The following UBE2Q2 variants were observed in gnomAD, a reference collection of about 807,000 sequenced individuals.
UBE2Q2 encodes ubiquitin conjugating enzyme E2 Q2, also known as ubiquitin-conjugating enzyme E2 Q2.
UBE2Q2 carries 54 observed loss-of-function variants against 59.9 expected under a neutral mutation model. The ratio of observed to expected loss-of-function variants is 0.90; its 90% CI spans 0.72 to 1.13. UBE2Q2 has a LOEUF of 1.13. Among genes scored for constraint, UBE2Q2 ranks in the 50% most tolerant of loss-of-function variants. The pLI, the probability that UBE2Q2 is intolerant of heterozygous loss-of-function variation, is 0.00. For missense variants in UBE2Q2, 433 were observed against 441.9 expected, an observed-to-expected ratio of 0.98 and a Z score of 0.18; for synonymous variants, 165 against 155.2, an observed-to-expected ratio of 1.06 and a Z score of -0.47.
At chr15:75,874,485 T>C (rs375207480) in intron 5 of UBE2Q2, among the ~76,000 whole-genome samples, 1 of 151,898 alleles carries the variant, frequency 6.6e-6, no homozygotes, top group South Asian at 2.1e-4. Context: ...GGTTTCACCA[T>C]GTTGGCCAGG....
chr15:75,843,541 AGCCGCGAGAGCGCG>A lies in UBE2Q2; in HGVS notation c.-122_-109del. 1 of 554,274 alleles carries A rather than the reference AGCCGCGAGAGCGCG, an allele frequency of 1.8e-6. No homozygotes were observed. 34.3% of individuals were successfully genotyped at this position (554,274 alleles called of 1,614,324 possible). ...TTTCCAGCAGCGCTCGACGAGGCGGAGCCGCGAGAGCGCGGCCCAGGCCGGCCCCGCGGGGCGGT... is the reference window on the plus strand; with the variant it reads ...TTTCCAGCAGCGCTCGACGAGGCGGAGCCCAGGCCGGCCCCGCGGGGCGGT... On this transcript the variant is annotated 5_prime_UTR_variant, in exon 1 of 13. Transcript: ENST00000267938.
intron 8 of UBE2Q2, among the ~76,000 whole-genome samples, chr15:75,880,779 G>A (rs2441929): frequency 0.2 from 30,010 of 152,134 alleles, 3,343 homozygotes; most frequent in Admixed American, 0.29. Context: ...GATTACAGGC[G>A]TGATTTAATA....
chr15:75,897,629 G>T (rs754389597), intron 12 of UBE2Q2, among the ~76,000 whole-genome samples: 2 of 149,010 alleles, frequency 1.3e-5, no homozygotes, highest in Non-Finnish European at 3.0e-5. Flanking sequence ...ATTAATGAAT[G>T]ACTCACTTTA....
intron 12 of UBE2Q2, among the ~76,000 whole-genome samples, chr15:75,897,283 A>G (rs335692): frequency 0.98 from 149,008 of 152,084 alleles, 73,070 homozygotes; most frequent in East Asian, 1. Context: ...CTGTCACCCC[A>G]GCTGGAGTGC....
intron 2 of UBE2Q2, among the ~76,000 whole-genome samples, chr15:75,858,522 A>G (rs1168920023): frequency 6.6e-6 from 1 of 151,786 alleles, no homozygotes; most frequent in East Asian, 1.9e-4. Context: ...GTCCTTCTGA[A>G]TGTCTCTTAC....
intron 1 of UBE2Q2, among the ~76,000 whole-genome samples, chr15:75,853,812 G>C (rs1316301636): frequency 6.6e-6 from 1 of 152,126 alleles, no homozygotes; most frequent in African/African-American, 2.4e-5. Context: ...CACTTATGTA[G>C]ATGTTGGCAG....
chr15:75,844,508 G>T, intron 1 of UBE2Q2: 1 of 1,550,444 alleles, frequency 6.4e-7, no homozygotes, highest in African/African-American at 1.4e-5. Flanking sequence ...GTGTATTCGT[G>T]TGGCCCCTCC....
intron 2 of UBE2Q2, among the ~76,000 whole-genome samples, chr15:75,855,034 A>T (rs888803638): frequency 6.6e-6 from 1 of 152,228 alleles, no homozygotes. Context: ...ACAGGAAAAA[A>T]AATTAAAATC....
At chr15:75,881,813 G>A (rs560320676) in intron 8 of UBE2Q2, among the ~76,000 whole-genome samples, 1 of 152,336 alleles carries the variant, frequency 6.6e-6, no homozygotes, top group African/African-American at 2.4e-5. Context: ...TTTTAAGGAA[G>A]TCACTTTTTG....
At chr15:75,894,142 A>G (rs1200017918) in intron 11 of UBE2Q2, among the ~76,000 whole-genome samples, 1 of 152,270 alleles carries the variant, frequency 6.6e-6, no homozygotes, top group Non-Finnish European at 1.5e-5. Context: ...TCTAGAGAAT[A>G]GCAATAATGC....
At chr15:75,868,435 AGGT>A (rs143049101) in intron 3 of UBE2Q2, among the ~76,000 whole-genome samples, 1,915 of 152,310 alleles carry the variant, frequency 0.013, 20 homozygotes, top group Non-Finnish European at 0.02. Context: ...CTTTTTAGTG[AGGT>A]GGTAATCATT....
chr15:75,891,071 A>G, intron 11 of UBE2Q2, 57 bp downstream of exon 11: 2 of 1,358,196 alleles, frequency 1.5e-6, no homozygotes, highest in Non-Finnish European at 2.1e-6. Flanking sequence ...TTACTTTATA[A>G]GCTTTCTTCC....
At chr15:75,885,235 C>T (rs1898692858) in intron 9 of UBE2Q2, among the ~76,000 whole-genome samples, 1 of 152,108 alleles carries the variant, frequency 6.6e-6, no homozygotes, top group Admixed American at 6.5e-5. Flanking sequence ...ATTCTCCTGC[C>T]TTAGCCTCCC....
chr15:75,886,403 G>GC (rs1567039595), intron 9 of UBE2Q2, among the ~76,000 whole-genome samples: 4 of 152,114 alleles, frequency 2.6e-5, no homozygotes, highest in Non-Finnish European at 5.9e-5. Context: ...TATGGCATGA[G>GC]CCACTGCCTG....
intron 2 of UBE2Q2, among the ~76,000 whole-genome samples, chr15:75,854,933 T>TA (rs1896824537): frequency 6.6e-6 from 1 of 152,210 alleles, no homozygotes; most frequent in Admixed American, 6.5e-5. Context: ...TAAAGAAATA[T>TA]AACTTTCCAT....
At position 75,854,458 on chromosome 15, in the gene UBE2Q2, C is replaced by T. The variant is rs148604284; in HGVS notation, c.253C>T (p.Arg85Cys). 5.1e-5 allele frequency: 82 copies of T among 1,611,900 alleles called. No individual in the cohort carries two copies. The highest frequency in any genetic ancestry group is 4.0e-4 in the African/African-American group (30 of 74,952). The change falls in exon 2 of 13, where the codon CGT (arginine) becomes TGT (cysteine). Residue 85 changes from arginine to cysteine, a missense_variant. Transcript: ENST00000267938. ...EDPNLTSVLE[R>C]LEDTKNNNLL... Reference sequence around the variant, plus strand: ...CCCAAATCTGACATCAGTTCTGGAACGTCTAGAAGATACTAAGAACAACAA... The same window carrying T: ...CCCAAATCTGACATCAGTTCTGGAATGTCTAGAAGATACTAAGAACAACAA...
intron 2 of UBE2Q2, among the ~76,000 whole-genome samples, chr15:75,855,272 C>G (rs2593279): frequency 3.3e-4 from 50 of 152,260 alleles, no homozygotes; most frequent in African/African-American, 1.2e-3. Flanking sequence ...GGGCGGATCA[C>G]TTGAGGCCAG....
At chr15:75,862,718 G>A (rs1897261474) in intron 3 of UBE2Q2, among the ~76,000 whole-genome samples, 1 of 149,726 alleles carries the variant, frequency 6.7e-6, no homozygotes, top group Non-Finnish European at 1.5e-5. Flanking sequence ...AAGAGGCTAA[G>A]GCAGGAGGAT....
chr15:75,863,357 C>T (rs997408311), intron 3 of UBE2Q2, among the ~76,000 whole-genome samples: 3 of 152,124 alleles, frequency 2.0e-5, no homozygotes, highest in Admixed American at 1.3e-4. Flanking sequence ...TTATTCTTCA[C>T]CGTAATTCTA....
Sources: allele counts gnomAD v4.1 joint callset (sites outside exome capture counted in the v4.1 genomes callset), GRCh38; gene constraint gnomAD v4.1.1; transcripts MANE v1.5; gene names NCBI Gene and HGNC (gene_info 2026-07-23, HGNC 2026-07-21).